TMEM253: variants seen among roughly 807,000 people sequenced by gnomAD.
TMEM253 encodes the protein transmembrane protein C14orf176.
Under a neutral mutation model 20.3 loss-of-function variants are expected in TMEM253, and 22 were observed. That is an observed-to-expected ratio of 1.08 (90% CI 0.78 to 1.55). The LOEUF (loss-of-function observed/expected upper bound fraction) is 1.55, where lower values mean the gene tolerates loss of function less well. Among genes scored for constraint, TMEM253 ranks in the 40% most tolerant of loss-of-function variants. The pLI is 0.00. For synonymous variants in TMEM253, 92 were observed against 102.6 expected, an observed-to-expected ratio of 0.90 and a Z score of 0.62; for missense variants, 251 against 266.1, an observed-to-expected ratio of 0.94 and a Z score of 0.39.
chr14:21,102,069 C>T, exon 4 of TMEM253: 1 of 1,551,438 alleles, frequency 6.4e-7, no homozygotes, highest in Non-Finnish European at 8.7e-7. Context: ...TTCAGGGTCT[C>T]CTCACTGGGA....
rs568737292 is a variant in TMEM253, at chr14:21,102,164, A to G, written c.276+44A>G. ...CAGCACTGTCCTCCCACTCCCTAAA[A>G]CAGACACCTACAACCCTCAGCCTAG... On this transcript the variant is annotated intron_variant, in intron 4 of 6. Transcript: ENST00000556585. 4 of 1,527,672 alleles carry G rather than the reference A, an allele frequency of 2.6e-6. No homozygotes were observed. In the African/African-American group the frequency reaches 4.1e-5, roughly 16 times the overall value. The allele number at this position is 1,527,672 out of a possible 1,614,324, so 94.6% of individuals were successfully genotyped here. A position where few individuals can be genotyped will look rare whatever the true frequency, so the allele number is the denominator to read the frequency against.
chr14:21,103,498 A>C, exon 7 of TMEM253: 2 of 551,476 alleles, frequency 3.6e-6, no homozygotes, highest in Non-Finnish European at 3.1e-6. Context: ...ACCTCCCCAT[A>C]CAGCTTCACA....
chr14:21,102,004 G>A (rs1566557708), intron 3 of TMEM253, 29 bp downstream of exon 3: 2 of 1,550,820 alleles, frequency 1.3e-6, no homozygotes, highest in Non-Finnish European at 1.7e-6. Context: ...GAGGGTGGAA[G>A]GTCCCAGGGC....
exon 1 of TMEM253, chr14:21,101,182 T>G (rs892682416): frequency 1.6e-5 from 10 of 608,428 alleles, no homozygotes; most frequent in Non-Finnish European, 2.3e-5. Context: ...TGCTTCAGAC[T>G]AGGTAGGTGT....
At chr14:21,101,524 A>G (rs1009755146) in intron 2 of TMEM253, 73 bp downstream of exon 2, 1 of 1,392,680 alleles carries the variant, frequency 7.2e-7, no homozygotes, top group Admixed American at 2.0e-5. Context: ...CCATCCATCC[A>G]TCCATGTTAA....
At chr14:21,101,958 C>G in exon 3 of TMEM253, 1 of 1,551,684 alleles carries the variant, frequency 6.4e-7, no homozygotes, top group Non-Finnish European at 8.7e-7. Context: ...AGCGCTGCCT[C>G]TTGGGCCTGG....
chr14:21,101,553 C>A, intron 2 of TMEM253, 102 bp downstream of exon 2: 1 of 1,109,478 alleles, frequency 9.0e-7, no homozygotes, highest in Non-Finnish European at 1.3e-6. Context: ...CTACCATGTG[C>A]CAGAAACTGA....
chr14:21,102,710 A>G (rs768765405), exon 6 of TMEM253: 6 of 1,551,456 alleles, frequency 3.9e-6, no homozygotes, highest in African/African-American at 2.7e-5. Flanking sequence ...TGCACGCCCT[A>G]TTCTTGCTGA....
At chr14:21,102,247 A>G (rs1889688147) in intron 4 of TMEM253, 127 bp downstream of exon 4, 2 of 1,399,692 alleles carry the variant, frequency 1.4e-6, no homozygotes, top group Non-Finnish European at 1.9e-6. Flanking sequence ...ACTGGCCTCA[A>G]TCACTGAGGA....
exon 3 of TMEM253, chr14:21,101,889 G>A: frequency 1.9e-6 from 3 of 1,551,580 alleles, no homozygotes; most frequent in Non-Finnish European, 2.6e-6. Flanking sequence ...GCTGGCAGTG[G>A]TTGTGGTGCC....
At chr14:21,099,262 A>G (rs2139336690), upstream of TMEM253, 1 of 152,900 alleles carries the variant, frequency 6.5e-6, no homozygotes, top group South Asian at 2.0e-4. Flanking sequence ...CTAATAGTAT[A>G]TAATCTTTCC....
intron 6 of TMEM253, 167 bp downstream of exon 6, chr14:21,102,946 TGGTG>T: frequency 7.4e-7 from 1 of 1,353,732 alleles, no homozygotes; most frequent in Non-Finnish European, 9.9e-7. Context: ...TCTCCCCTAA[TGGTG>T]GGTAAGAGGA....
chr14:21,099,645 A>T (rs1035623573), upstream of TMEM253, among the ~76,000 whole-genome samples: 1 of 152,240 alleles, frequency 6.6e-6, no homozygotes, highest in Admixed American at 6.5e-5. Context: ...ATCGTCAACA[A>T]CAAGAAATAA....
chr14:21,102,921 C>G, intron 6 of TMEM253, 142 bp downstream of exon 6: 1 of 1,388,136 alleles, frequency 7.2e-7, no homozygotes, highest in Middle Eastern at 2.5e-4. Context: ...TTGGCTTTCT[C>G]TGGCTTTGAA....
chr14:21,101,335 A>C, exon 2 of TMEM253: 1 of 1,551,270 alleles, frequency 6.4e-7, no homozygotes, highest in South Asian at 1.2e-5. Context: ...TCTTGTGGGC[A>C]AAGGAGCCAT....
upstream of TMEM253, chr14:21,098,937 G>A: frequency 9.8e-7 from 1 of 1,015,804 alleles, no homozygotes; most frequent in Non-Finnish European, 1.3e-6. Context: ...GAGGAGGAGG[G>A]GCGATTATAG....
At chr14:21,101,699 A>G (rs987241857) in intron 2 of TMEM253, 166 bp from the exon 3 acceptor site, 1 of 672,568 alleles carries the variant, frequency 1.5e-6, no homozygotes, top group Non-Finnish European at 2.5e-6. Context: ...GAGGCAGAAA[A>G]AATTAAATGA....
intron 4 of TMEM253, 51 bp from the exon 5 acceptor site, chr14:21,102,354 G>A (rs1889693646): frequency 1.9e-6 from 3 of 1,540,888 alleles, no homozygotes; most frequent in Non-Finnish European, 1.8e-6. Context: ...TGGGGATTGA[G>A]GTTGGAATGA....
chr14:21,101,523 C>T, intron 2 of TMEM253, 72 bp downstream of exon 2: 1 of 1,401,374 alleles, frequency 7.1e-7, no homozygotes, highest in Non-Finnish European at 9.8e-7. Flanking sequence ...TCCATCCATC[C>T]ATCCATGTTA....
Sources: gnomAD v4.1 joint callset for allele counts (sites outside exome capture counted in the v4.1 genomes callset) on GRCh38, gnomAD v4.1.1 for gene constraint, MANE v1.5 for transcripts, NCBI Gene and HGNC (gene_info 2026-07-23, HGNC 2026-07-21) for gene names.